The following RSRC1 variants were observed in gnomAD, a reference collection of about 807,000 sequenced individuals.
RSRC1 encodes the protein serine/Arginine-related protein 53.
RSRC1 carries 39 observed loss-of-function variants against 49.1 expected under a neutral mutation model. That is an observed-to-expected ratio of 0.79 (90% CI 0.61 to 1.04). The LOEUF (loss-of-function observed/expected upper bound fraction) is 1.04. RSRC1 is among the 50% of genes least tolerant of loss of function. The pLI is 0.00. For synonymous variants in RSRC1, 143 were observed against 130.8 expected (o/e 1.09, Z -0.63); for missense variants, 388 against 402.4 (o/e 0.96, Z 0.31).
At chr3:158,345,409 A>C (rs1309845332) in intron 5 of RSRC1, among the ~76,000 whole-genome samples, 1 of 152,218 alleles carries the variant, frequency 6.6e-6, no homozygotes, top group Non-Finnish European at 1.5e-5. Context: ...CTTTAAGTAT[A>C]TAAAGACATT....
Position 158,196,296 on chromosome 3 carries a change from CTGTT to C in RSRC1, c.321-6772_321-6769del, listed in dbSNP as rs558670100. ...GGGAGTTCACTCATGATTTGGCTCT[CTGTT>C]TGTCTGTTATTGGTGTATAAGAATG... On this transcript the variant is annotated intron_variant, in intron 3 of 9. Coordinates refer to ENST00000611884, the MANE Select transcript of RSRC1 (RefSeq NM_001271838.2). 3.8e-3 allele frequency among the ~76,000 whole-genome samples: 571 copies of C among 152,110 alleles called. 3 individuals are homozygous for C. Among genetic ancestry groups the C allele is most frequent in the African/African-American group, 0.013 (536 of 41,486 alleles).
chr3:158,127,490 CTATTG>C (rs1715702928), intron 3 of RSRC1, among the ~76,000 whole-genome samples: 1 of 151,678 alleles, frequency 6.6e-6, no homozygotes, highest in African/African-American at 2.4e-5. Context: ...TTCAATTCAG[CTATTG>C]TATTCTTTGG....
At chr3:158,175,618 G>C (rs1318094163) in intron 3 of RSRC1, among the ~76,000 whole-genome samples, 1 of 151,934 alleles carries the variant, frequency 6.6e-6, no homozygotes, top group Non-Finnish European at 1.5e-5. Flanking sequence ...ATTCTCTATT[G>C]TCTTTCATTG....
chr3:158,222,273 C>A (rs1722264412), intron 4 of RSRC1, among the ~76,000 whole-genome samples: 1 of 151,392 alleles, frequency 6.6e-6, no homozygotes, highest in Non-Finnish European at 1.5e-5. Context: ...TTGCCTGTAT[C>A]CTTTCTAAGG....
intron 6 of RSRC1, among the ~76,000 whole-genome samples, chr3:158,379,814 G>GCACACACACA (rs140953408): frequency 0.086 from 12,563 of 146,810 alleles, 653 homozygotes; most frequent in Middle Eastern, 0.16. Context: ...ACACGCGCAT[G>GCACACACACA]CACACACACA....
At chr3:158,478,996 G>A (rs1286994664) in intron 7 of RSRC1, among the ~76,000 whole-genome samples, 2 of 148,678 alleles carry the variant, frequency 1.3e-5, no homozygotes, top group Non-Finnish European at 3.0e-5. Flanking sequence ...TAGAGATGTA[G>A]GGAAGATGTC....
intron 6 of RSRC1, among the ~76,000 whole-genome samples, chr3:158,405,948 A>C (rs1245300917): frequency 6.6e-6 from 1 of 152,160 alleles, no homozygotes; most frequent in Non-Finnish European, 1.5e-5. Flanking sequence ...TTTCTAATTA[A>C]CATGATTCTG....
At chr3:158,429,010 A>G (rs933937484) in intron 6 of RSRC1, among the ~76,000 whole-genome samples, 5 of 151,834 alleles carry the variant, frequency 3.3e-5, no homozygotes, top group African/African-American at 4.8e-5. Flanking sequence ...TGAACTTCTC[A>G]GTTCAAATGG....
At chr3:158,516,152 C>A (rs1162292113) in intron 7 of RSRC1, among the ~76,000 whole-genome samples, 1 of 152,176 alleles carries the variant, frequency 6.6e-6, no homozygotes, top group African/African-American at 2.4e-5. Context: ...GAACTGCGTT[C>A]CTTTGGAGGA....
At chr3:158,467,388 A>T (rs1271902251) in intron 7 of RSRC1, among the ~76,000 whole-genome samples, 2 of 152,226 alleles carry the variant, frequency 1.3e-5, no homozygotes, top group African/African-American at 4.8e-5. Context: ...GACCTTAGGT[A>T]GTCCCTTTGA....
chr3:158,261,970 A>ACACCTGCCCTCTGCAC (rs1188180355), intron 4 of RSRC1, among the ~76,000 whole-genome samples: 1 of 152,154 alleles, frequency 6.6e-6, no homozygotes, highest in African/African-American at 2.4e-5. Context: ...CCACTCTGCA[A>ACACCTGCCCTCTGCAC]CACCTGCCCT....
intron 5 of RSRC1, among the ~76,000 whole-genome samples, chr3:158,311,444 A>G (rs1728120385): frequency 6.6e-6 from 1 of 151,980 alleles, no homozygotes; most frequent in Non-Finnish European, 1.5e-5. Flanking sequence ...TAGATTTAAA[A>G]ATTAATATTT....
intron 3 of RSRC1, among the ~76,000 whole-genome samples, chr3:158,142,687 C>T (rs756601212): frequency 2.6e-5 from 4 of 152,052 alleles, no homozygotes; most frequent in African/African-American, 4.8e-5. Context: ...ACCAGATCTC[C>T]GTAGAACTCA....
At chr3:158,282,677 G>C (rs1726252184) in intron 4 of RSRC1, among the ~76,000 whole-genome samples, 1 of 152,196 alleles carries the variant, frequency 6.6e-6, no homozygotes, top group African/African-American at 2.4e-5. Flanking sequence ...CATAGTCATG[G>C]TGGGAGTTTA....
chr3:158,475,175 C>T (rs956513160), intron 7 of RSRC1, among the ~76,000 whole-genome samples: 7 of 152,036 alleles, frequency 4.6e-5, no homozygotes, highest in Non-Finnish European at 8.8e-5. Context: ...CCTCCCACCT[C>T]GAACTCCCAA....
intron 3 of RSRC1, among the ~76,000 whole-genome samples, chr3:158,149,228 A>G (rs931256206): frequency 1.2e-4 from 18 of 152,326 alleles, no homozygotes; most frequent in African/African-American, 3.6e-4. Flanking sequence ...AATGATCATC[A>G]AAGCTCCTTT....
Position 158,333,408 on chromosome 3 carries a change from T to C in RSRC1, c.532-21449T>C, listed in dbSNP as rs569328592. ...ATGAAACATGCCCTCTATGCAAATA[T>C]TCCATCTAGAAAAATCTCTCAGTAC... On this transcript the variant is annotated intron_variant, in intron 5 of 9. Coordinates refer to ENST00000611884, the MANE Select transcript of RSRC1 (RefSeq NM_001271838.2). 1.8e-4 allele frequency among the ~76,000 whole-genome samples: 28 copies of C among 152,322 alleles called. No individual in the cohort carries two copies. In the South Asian group the frequency reaches 3.3e-3, roughly 18 times the overall value.
intron 7 of RSRC1, among the ~76,000 whole-genome samples, chr3:158,478,176 G>A (rs1377369436): frequency 6.6e-6 from 1 of 151,624 alleles, no homozygotes; most frequent in Non-Finnish European, 1.5e-5. Flanking sequence ...TATTTTTTAA[G>A]TTAGTATTTT....
At chr3:158,180,780 G>A (rs896916318) in intron 3 of RSRC1, among the ~76,000 whole-genome samples, 1 of 143,998 alleles carries the variant, frequency 6.9e-6, no homozygotes, top group Non-Finnish European at 1.5e-5. Flanking sequence ...TCCACAAAGA[G>A]TCATAATTTG....
Sources: allele counts gnomAD v4.1 joint callset (sites outside exome capture counted in the v4.1 genomes callset), GRCh38; gene constraint gnomAD v4.1.1; transcripts MANE v1.5; gene names NCBI Gene and HGNC (gene_info 2026-07-23, HGNC 2026-07-21).